FAM81A: variants seen among roughly 807,000 people sequenced by gnomAD.
The protein encoded by FAM81A is protein FAM81A.
FAM81A carries 19 observed loss-of-function variants against 46.7 expected under a neutral mutation model. The observed-to-expected ratio is 0.41, with a 90% CI of 0.28 to 0.60. FAM81A has a LOEUF of 0.60. Ranked by LOEUF, FAM81A falls within the 20% of genes least tolerant of loss-of-function variation. The probability of loss-of-function intolerance (pLI) is 0.34; values close to 1 mark genes in which losing one functional copy is unlikely to be tolerated. For missense variants in FAM81A, 377 were observed against 453.5 expected (o/e 0.83, Z 1.53); for synonymous variants, 183 against 152.9 (o/e 1.20, Z -1.45).
intron 4 of FAM81A, among the ~76,000 whole-genome samples, chr15:59,496,943 T>C (rs573309258): frequency 1.3e-5 from 2 of 151,798 alleles, no homozygotes; most frequent in Admixed American, 1.3e-4. Flanking sequence ...CTGGCCAACA[T>C]GGTGAAATCC....
intron 3 of FAM81A, among the ~76,000 whole-genome samples, chr15:59,487,235 TTA>T (rs1182825460): frequency 6.8e-6 from 1 of 146,014 alleles, no homozygotes; most frequent in African/African-American, 2.5e-5. Flanking sequence ...TATATATATA[TTA>T]TATATATATT....
intron 2 of FAM81A, among the ~76,000 whole-genome samples, chr15:59,414,623 T>C (rs2081137579): frequency 6.6e-6 from 1 of 152,128 alleles, no homozygotes; most frequent in African/African-American, 2.4e-5. Context: ...ATGAAACTCC[T>C]GAGGAGGGGA....
chr15:59,488,486 G>A (rs2081945478), intron 3 of FAM81A, among the ~76,000 whole-genome samples: 1 of 152,168 alleles, frequency 6.6e-6, no homozygotes, highest in African/African-American at 2.4e-5. Context: ...AATTATTCTT[G>A]TTTGCAGATG....
chr15:59,520,311 G>C (rs1207391744), intron 8 of FAM81A, among the ~76,000 whole-genome samples: 1 of 152,200 alleles, frequency 6.6e-6, no homozygotes, highest in East Asian at 1.9e-4. Flanking sequence ...GTACTCGTTT[G>C]TCTTTTTGAT....
intron 2 of FAM81A, among the ~76,000 whole-genome samples, chr15:59,420,580 A>G (rs1249394077): frequency 1.3e-5 from 2 of 152,116 alleles, no homozygotes; most frequent in Non-Finnish European, 2.9e-5. Flanking sequence ...TCGTTTCTTC[A>G]TTTTTATCAC....
At chr15:59,473,159 C>T (rs145699510) in intron 3 of FAM81A, among the ~76,000 whole-genome samples, 1 of 152,306 alleles carries the variant, frequency 6.6e-6, no homozygotes, top group Non-Finnish European at 1.5e-5. Context: ...CAAAGAAGTA[C>T]AGTAGGCCCC....
chr15:59,449,697 G>A (rs1257020732), intron 1 of FAM81A, among the ~76,000 whole-genome samples: 2 of 141,976 alleles, frequency 1.4e-5, no homozygotes, highest in Admixed American at 7.9e-5. Context: ...CAGGAGAATG[G>A]CGTGAACCCG....
chr15:59,434,899 T>C (rs1269520686), upstream of FAM81A, among the ~76,000 whole-genome samples: 2 of 152,236 alleles, frequency 1.3e-5, no homozygotes, highest in Non-Finnish European at 2.9e-5. Flanking sequence ...GGAGCCTACT[T>C]ACTATCCTTA....
At chr15:59,508,375 C>A (rs1284276110) in intron 5 of FAM81A, among the ~76,000 whole-genome samples, 1 of 152,138 alleles carries the variant, frequency 6.6e-6, no homozygotes, top group African/African-American at 2.4e-5. Context: ...GCAGTAAAGA[C>A]AAGGGACATG....
chr15:59,510,857 A>G (rs1381243346), intron 6 of FAM81A, among the ~76,000 whole-genome samples: 1 of 150,802 alleles, frequency 6.6e-6, no homozygotes, highest in Non-Finnish European at 1.5e-5. Flanking sequence ...TTAAAAAGAC[A>G]GCCTTCATGG....
intron 5 of FAM81A, 25 bp from the exon 6 acceptor site, chr15:59,508,838 T>G (rs1394880733): frequency 6.3e-7 from 1 of 1,593,020 alleles, no homozygotes; most frequent in Non-Finnish European, 8.6e-7. Context: ...AGATGTGATA[T>G]TTATAAGCAA....
intron 1 of FAM81A, among the ~76,000 whole-genome samples, chr15:59,445,894 A>G (rs2081349358): frequency 6.6e-6 from 1 of 152,202 alleles, no homozygotes. Flanking sequence ...GCTGTTGATC[A>G]TAATAAAACA....
chr15:59,465,870 G>C (rs185913044), intron 3 of FAM81A, among the ~76,000 whole-genome samples: 1 of 151,856 alleles, frequency 6.6e-6, no homozygotes, highest in Non-Finnish European at 1.5e-5. Flanking sequence ...GACAGACCCC[G>C]GTGTGTGATG....
At chr15:59,513,877 C>G (rs1177596927) in intron 6 of FAM81A, among the ~76,000 whole-genome samples, 1 of 152,142 alleles carries the variant, frequency 6.6e-6, no homozygotes, top group Admixed American at 6.5e-5. Flanking sequence ...ACTTATATAG[C>G]ATGGAATACT....
intron 4 of FAM81A, 26 bp from the exon 5 acceptor site, chr15:59,507,187 A>G (rs778263572): frequency 5.0e-6 from 8 of 1,598,726 alleles, no homozygotes; most frequent in Non-Finnish European, 6.8e-6. Flanking sequence ...TTTAATAAGA[A>G]TCAGCTTTGT....
chr15:59,445,743 C>A (rs1343744717), intron 1 of FAM81A, among the ~76,000 whole-genome samples: 3 of 152,156 alleles, frequency 2.0e-5, no homozygotes, highest in Non-Finnish European at 4.4e-5. Flanking sequence ...CGTGCTTTCC[C>A]CTGCTAGTTT....
At chr15:59,520,166 C>A (rs560858832) in intron 8 of FAM81A, among the ~76,000 whole-genome samples, 3 of 151,662 alleles carry the variant, frequency 2.0e-5, no homozygotes, top group Non-Finnish European at 2.9e-5. Flanking sequence ...CAAGACAATT[C>A]TTTCAGTGTG....
chr15:59,442,913 A>G (rs1402678096), intron 1 of FAM81A, among the ~76,000 whole-genome samples: 3 of 152,150 alleles, frequency 2.0e-5, no homozygotes, highest in African/African-American at 7.2e-5. Flanking sequence ...ACCTTTGTCC[A>G]CCTAAATACT....
chr15:59,493,066 T>G (rs1370040186), intron 4 of FAM81A, among the ~76,000 whole-genome samples: 1 of 152,214 alleles, frequency 6.6e-6, no homozygotes, highest in African/African-American at 2.4e-5. Context: ...TTCTGCCCTC[T>G]GCTGGGCCTA....
Sources: allele counts gnomAD v4.1 joint callset (sites outside exome capture counted in the v4.1 genomes callset), GRCh38; gene constraint gnomAD v4.1.1; transcripts MANE v1.5; gene names NCBI Gene and HGNC (gene_info 2026-07-23, HGNC 2026-07-21).